Variants in PYGB observed in about 807,000 individuals in gnomAD.
PYGB encodes the protein glycogen phosphorylase, brain form.
A neutral mutation model predicts 94.3 loss-of-function variants in PYGB; 82 were observed. The observed-to-expected ratio is 0.87, with a 90% confidence interval of 0.73 to 1.04. PYGB has a LOEUF of 1.04. PYGB is among the 50% of genes least tolerant of loss of function. The pLI, the probability that PYGB is intolerant of heterozygous loss-of-function variation, is 0.00. For missense variants in PYGB, 1,132 were observed against 1,158.2 expected, an observed-to-expected ratio of 0.98 and a Z score of 0.33; for synonymous variants, 488 against 479.1, an observed-to-expected ratio of 1.02 and a Z score of -0.24.
chr20:25,295,739 T>C, intron 19 of PYGB, 69 bp downstream of exon 19: 1 of 1,486,348 alleles, frequency 6.7e-7, no homozygotes, highest in Non-Finnish European at 9.4e-7. Flanking sequence ...TGGGTCAGAT[T>C]GTTTATTTCC....
At chr20:25,288,364 C>T (rs2088436453) in intron 14 of PYGB, 61 bp from the exon 15 acceptor site, 3 of 1,594,306 alleles carry the variant, frequency 1.9e-6, no homozygotes, top group South Asian at 1.1e-5. Flanking sequence ...GCTGCTGGGC[C>T]CCAGCAGGGG....
intron 3 of PYGB, among the ~76,000 whole-genome samples, 157 bp downstream of exon 3, chr20:25,269,364 G>A (rs778223756): frequency 4.6e-5 from 7 of 152,210 alleles, no homozygotes; most frequent in African/African-American, 1.4e-4. Context: ...CACTAGTGGG[G>A]GGAAAGGGGG....
chr20:25,269,841 C>T (rs1378870489), intron 3 of PYGB, among the ~76,000 whole-genome samples: 4 of 152,234 alleles, frequency 2.6e-5, no homozygotes, highest in Admixed American at 1.3e-4. Flanking sequence ...TCCCCGGCCC[C>T]GAGACCTGCT....
intron 2 of PYGB, among the ~76,000 whole-genome samples, chr20:25,268,218 C>G (rs1555331): frequency 0.93 from 132,788 of 142,256 alleles, 61,981 homozygotes; most frequent in East Asian, 1. Flanking sequence ...AATTGCTTTA[C>G]GAATTAAGTT....
intron 16 of PYGB, among the ~76,000 whole-genome samples, chr20:25,292,080 G>T (rs941822691): frequency 6.6e-6 from 1 of 152,180 alleles, no homozygotes; most frequent in East Asian, 1.9e-4. Flanking sequence ...CATTGTCAGC[G>T]AGCCAGGACT....
At position 25,295,673 on chromosome 20, in the gene PYGB, G is replaced by A; in HGVS notation, c.2379+3G>A. The A allele has an allele frequency of 6.2e-7, 1 of 1,612,702 alleles. No homozygotes were observed. The highest frequency in any genetic ancestry group is 1.1e-5 in the South Asian group (1 of 91,052). On this transcript the variant is annotated splice_donor_region_variant and intron_variant, in intron 19 of 19. Coordinates refer to ENST00000216962, the MANE Select transcript of PYGB (RefSeq NM_002862.4). ...CACAGGTGGACCAGCTGTACCGGGT[G>A]AGGCTCCTGGGTCCAGAGGCTAGGG...
In PYGB at chr20:25,294,164, T is replaced by C. The variant is rs1191425754; in HGVS notation, c.2184T>C (p.Asn728=). The change falls in exon 18 of 20, where the codon AAT becomes AAC. Residue 728 remains asparagine, a synonymous_variant. Coordinates refer to ENST00000216962, the MANE Select transcript of PYGB (RefSeq NM_002862.4). ...DVEALDRKGY[N]AREYYDHLPE... ...CTGGCCCATCGCCTCACAGGTACAA[T>C]GCCAGGGAGTACTACGACCACCTGC... 1.9e-6 allele frequency: 3 copies of C among 1,613,578 alleles called. No individual in the cohort carries two copies. Among genetic ancestry groups the C allele is most frequent in the Non-Finnish European group, 2.5e-6 (3 of 1,179,992 alleles).
intron 2 of PYGB, among the ~76,000 whole-genome samples, chr20:25,265,364 C>G (rs2088207344): frequency 6.6e-6 from 1 of 152,264 alleles, no homozygotes; most frequent in East Asian, 1.9e-4. Context: ...CACAAGAGTT[C>G]CAGTTTCTCT....
chr20:25,277,696 C>G (rs993616902), intron 7 of PYGB, among the ~76,000 whole-genome samples: 18 of 152,242 alleles, frequency 1.2e-4, no homozygotes, highest in African/African-American at 4.3e-4. Context: ...CTTCCCCAAG[C>G]AGGTGATCTG....
chr20:25,288,276 T>A (rs774120009), intron 14 of PYGB, 149 bp from the exon 15 acceptor site: 1 of 896,818 alleles, frequency 1.1e-6, no homozygotes, highest in Non-Finnish European at 1.8e-6. Flanking sequence ...AGTGGCCCTG[T>A]GCCACTGTCA....
rs765391104 is a variant in PYGB at position 25,292,634 on chromosome 20, G to T, written c.2177+21G>T. The T allele has an allele frequency of 3.6e-5, 57 of 1,605,174 alleles. No homozygotes were observed. In the Admixed American group the frequency reaches 9.4e-4, roughly 26 times the overall value. On this transcript the variant is annotated intron_variant, in intron 17 of 19. Coordinates refer to ENST00000216962, the MANE Select transcript of PYGB (RefSeq NM_002862.4). ...AAAGGGTGCGAGCCTGTGCCCCTGG[G>T]CACCTGGCACCGTGAGGATGGAGAA...
At chr20:25,284,350 G>C in intron 14 of PYGB, 99 bp downstream of exon 14, 1 of 1,477,130 alleles carries the variant, frequency 6.8e-7, no homozygotes, top group Non-Finnish European at 9.1e-7. Context: ...CATGGTGGGG[G>C]CTGTGTGTGT....
chr20:25,253,010 G>A (rs921789902), intron 1 of PYGB, among the ~76,000 whole-genome samples: 7 of 152,246 alleles, frequency 4.6e-5, no homozygotes, highest in Admixed American at 1.3e-4. Context: ...GACTTGTTAT[G>A]AATAACAAAA....
At chr20:25,274,493 C>A (rs2088292903) in intron 4 of PYGB, 99 bp from the exon 5 acceptor site, 19 of 1,457,868 alleles carry the variant, frequency 1.3e-5, no homozygotes, top group Non-Finnish European at 1.6e-5. Context: ...CAGTGCCAGG[C>A]ACTGTGTGAT....
chr20:25,285,445 A>C (rs563193445), intron 14 of PYGB: 1 of 151,160 alleles, frequency 6.6e-6, no homozygotes, highest in South Asian at 2.1e-4. Flanking sequence ...GTTGGCCTTC[A>C]GGCTTTCCTC....
At chr20:25,273,179 G>T (rs2088281849) in intron 4 of PYGB, among the ~76,000 whole-genome samples, 1 of 152,250 alleles carries the variant, frequency 6.6e-6, no homozygotes, top group African/African-American at 2.4e-5. Context: ...CAAGGGGGCA[G>T]GGAGGCCCTG....
chr20:25,283,322 A>T, intron 13 of PYGB, 45 bp downstream of exon 13: 1 of 1,547,580 alleles, frequency 6.5e-7, no homozygotes, highest in Non-Finnish European at 8.9e-7. Flanking sequence ...CCCTCCCACA[A>T]CCAGGCAGGT....
intron 13 of PYGB, 45 bp downstream of exon 13, chr20:25,283,322 A>AC: frequency 2.6e-6 from 4 of 1,547,580 alleles, no homozygotes; most frequent in Non-Finnish European, 3.6e-6. Flanking sequence ...CCCTCCCACA[A>AC]CCAGGCAGGT....
intron 11 of PYGB, among the ~76,000 whole-genome samples, chr20:25,281,608 C>A (rs575937950): frequency 6.6e-6 from 1 of 152,320 alleles, no homozygotes; most frequent in South Asian, 2.1e-4. Flanking sequence ...GAGGCTGTGC[C>A]CGGGGCTGGG....
Sources: allele counts gnomAD v4.1 joint callset (sites outside exome capture counted in the v4.1 genomes callset), GRCh38; gene constraint gnomAD v4.1.1; transcripts MANE v1.5; gene names NCBI Gene and HGNC (gene_info 2026-07-23, HGNC 2026-07-21).